Variants in COL21A1 observed in about 807,000 individuals in gnomAD.
COL21A1 encodes collagen type XXI alpha 1 chain, also known as collagen alpha-1(XXI) chain.
A neutral mutation model predicts 137.9 loss-of-function variants in COL21A1; 149 were observed. That is an observed-to-expected ratio of 1.08 (90% CI 0.95 to 1.24). The LOEUF (loss-of-function observed/expected upper bound fraction) is 1.24, where lower values mean the gene tolerates loss of function less well. Ranked by LOEUF, COL21A1 falls within the 50% of genes most tolerant of loss-of-function variation. COL21A1 has a pLI of 0.00. For synonymous variants in COL21A1, 456 were observed against 391.5 expected (o/e 1.16, Z -1.95); for missense variants, 1,167 against 1,158.4 (o/e 1.01, Z -0.11).
chr6:56,254,900 T>G (rs748571792), intron 1 of COL21A1, among the ~76,000 whole-genome samples: 12 of 152,174 alleles, frequency 7.9e-5, no homozygotes, highest in African/African-American at 2.7e-4. Flanking sequence ...TACTACTTAG[T>G]TTCACAAATT....
intron 1 of COL21A1, among the ~76,000 whole-genome samples, chr6:56,261,222 G>A (rs1331377916): frequency 2.6e-5 from 4 of 151,896 alleles, no homozygotes; most frequent in Non-Finnish European, 5.9e-5. Context: ...GAGAAGGAGC[G>A]CCTCCCTCAG....
chr6:56,369,192 C>T (rs1205007014), intron 1 of COL21A1, among the ~76,000 whole-genome samples: 1 of 151,864 alleles, frequency 6.6e-6, no homozygotes, highest in African/African-American at 2.4e-5. Flanking sequence ...TCATTGGTGG[C>T]TTTTTAAAGA....
Position 56,074,252 on chromosome 6 carries a change from G to A in COL21A1, c.1945C>T (p.Pro649Ser). 1 of 1,590,170 alleles carries A rather than the reference G, an allele frequency of 6.3e-7. No individual in the cohort carries two copies. Residue 649 changes from proline to serine, a missense_variant, in exon 20 of 30, where the codon CCT (proline) becomes TCT (serine). By Grantham distance (74) the Pro-to-Ser change is moderately conservative. Transcript: ENST00000244728. ...TTTACCTTAGATCCCGGTGTTCCAG[G>A]CTGGCCTGGTGAGCCATTGCTTCCC... ...LMGSNGSPGQ[P>S]GTPGSKGSKG...
At chr6:56,156,214 A>C (rs1165143378) in intron 10 of COL21A1, among the ~76,000 whole-genome samples, 1 of 152,196 alleles carries the variant, frequency 6.6e-6, no homozygotes, top group Non-Finnish European at 1.5e-5. Flanking sequence ...TTTTCTTTGC[A>C]GCAAAGATGT....
chr6:56,194,400 A>C (rs1469170605), intron 1 of COL21A1, among the ~76,000 whole-genome samples: 3 of 152,226 alleles, frequency 2.0e-5, no homozygotes, highest in African/African-American at 4.8e-5. Flanking sequence ...TTTAACACTT[A>C]GTTGAATAGG....
At chr6:56,304,656 A>G (rs1764392623) in intron 1 of COL21A1, among the ~76,000 whole-genome samples, 1 of 151,654 alleles carries the variant, frequency 6.6e-6, no homozygotes, top group South Asian at 2.1e-4. Flanking sequence ...GCAGTCTATC[A>G]ATGTTGTTGA....
chr6:56,125,469 A>T, intron 14 of COL21A1, 98 bp downstream of exon 14: 3 of 782,460 alleles, frequency 3.8e-6, no homozygotes, highest in Non-Finnish European at 6.2e-6. Flanking sequence ...GAACAGAGCT[A>T]ACTGTTCTAA....
chr6:56,108,758 G>A (rs1771165413), intron 16 of COL21A1, among the ~76,000 whole-genome samples: 1 of 151,814 alleles, frequency 6.6e-6, no homozygotes, highest in East Asian at 1.9e-4. Context: ...AATGTATATT[G>A]AGTTTTACAC....
At chr6:56,220,739 T>C (rs1780777581) in intron 1 of COL21A1, among the ~76,000 whole-genome samples, 6 of 152,144 alleles carry the variant, frequency 3.9e-5, no homozygotes, top group Admixed American at 3.9e-4. Flanking sequence ...GAAAAATAGC[T>C]GACTTTTATT....
rs1279582091 is a variant in COL21A1, at chr6:56,060,960, C to T, written c.2283G>A (p.Gly761=). The T allele has an allele frequency of 6.2e-7, 1 of 1,607,980 alleles. No homozygotes were observed. The highest frequency in any genetic ancestry group is 1.3e-5 in the African/African-American group (1 of 74,554). ...CAGGTTGCCCCTTAGGACCTGCGGG[C>T]CCCATCAAGCCATCCACCCCAGATT... ...KGESGVDGLM[G]PAGPKGQPGD... is the part of the protein sequence containing the mutation. Residue 761 remains glycine, a synonymous_variant, in exon 26 of 30, where the codon GGG becomes GGA. Transcript: ENST00000244728.
intron 10 of COL21A1, among the ~76,000 whole-genome samples, chr6:56,145,639 A>T (rs1054529283): frequency 7.0e-6 from 1 of 141,984 alleles, no homozygotes; most frequent in African/African-American, 2.7e-5. Context: ...AGCTTTTTAT[A>T]TACCTTATTG....
intron 19 of COL21A1, 71 bp from the exon 20 acceptor site, chr6:56,074,356 A>G: frequency 2.0e-6 from 2 of 995,824 alleles, no homozygotes; most frequent in Non-Finnish European, 3.0e-6. Context: ...TCAATTTCCA[A>G]GTTACACATT....
At chr6:56,376,130 C>T (rs1397212023) in intron 1 of COL21A1, among the ~76,000 whole-genome samples, 1 of 152,192 alleles carries the variant, frequency 6.6e-6, no homozygotes, top group African/African-American at 2.4e-5. Context: ...AGAGTGATGT[C>T]ACCCAAGCCA....
chr6:56,319,024 A>G (rs1374115487), intron 1 of COL21A1, among the ~76,000 whole-genome samples: 1 of 152,008 alleles, frequency 6.6e-6, no homozygotes, highest in African/African-American at 2.4e-5. Flanking sequence ...ACAATGTTTG[A>G]TCAAATAGTC....
At chr6:56,262,444 A>T (rs899834377) in intron 1 of COL21A1, among the ~76,000 whole-genome samples, 5 of 152,114 alleles carry the variant, frequency 3.3e-5, no homozygotes, top group African/African-American at 1.2e-4. Flanking sequence ...TCCCTAGAAA[A>T]CAGAGCCTAA....
chr6:56,071,350 A>G (rs954089809), intron 20 of COL21A1, among the ~76,000 whole-genome samples: 2 of 151,652 alleles, frequency 1.3e-5, no homozygotes, highest in African/African-American at 4.8e-5. Flanking sequence ...TGACAGGGCA[A>G]AGAATGTAAT....
intron 1 of COL21A1, among the ~76,000 whole-genome samples, chr6:56,297,716 T>C (rs1439444025): frequency 2.6e-5 from 4 of 152,088 alleles, no homozygotes; most frequent in Admixed American, 1.3e-4. Context: ...AAATGAGATA[T>C]TGGAAAGTAG....
chr6:56,162,271 C>T (rs1432788964), intron 9 of COL21A1, among the ~76,000 whole-genome samples: 1 of 151,990 alleles, frequency 6.6e-6, no homozygotes. Context: ...GTCCTCCTGC[C>T]AGATTTTCTG....
At chr6:56,234,616 A>T (rs1447966223) in intron 1 of COL21A1, among the ~76,000 whole-genome samples, 1 of 151,836 alleles carries the variant, frequency 6.6e-6, no homozygotes, top group Non-Finnish European at 1.5e-5. Context: ...TTTTTCTAAA[A>T]TACAAAAAAT....
Sources: allele counts gnomAD v4.1 joint callset (sites outside exome capture counted in the v4.1 genomes callset), GRCh38; gene constraint gnomAD v4.1.1; transcripts MANE v1.5; gene names NCBI Gene and HGNC (gene_info 2026-07-23, HGNC 2026-07-21).